TMEM222: variants seen among roughly 807,000 people sequenced by gnomAD.
TMEM222 encodes chromosome 1 open reading frame 160.
TMEM222 carries 18 observed loss-of-function variants against 25.1 expected under a neutral mutation model. That is an observed-to-expected ratio of 0.72 (90% CI 0.50 to 1.06). TMEM222 has a LOEUF of 1.06. Ranked by LOEUF, TMEM222 falls within the 50% of genes least tolerant of loss-of-function variation. The pLI, the probability that TMEM222 is intolerant of heterozygous loss-of-function variation, is 0.00. For missense variants in TMEM222, 296 were observed against 293.7 expected (o/e 1.01, Z -0.06); for synonymous variants, 131 against 117.9 (o/e 1.11, Z -0.72).
chr1:27,324,701 C>G (rs2014297029), intron 1 of TMEM222, among the ~76,000 whole-genome samples: 1 of 152,184 alleles, frequency 6.6e-6, no homozygotes, highest in East Asian at 1.9e-4. Context: ...GCAGGCTATA[C>G]AGGAAGCATA....
intron 3 of TMEM222, chr1:27,333,157 T>G (rs1427447105): frequency 2.7e-6 from 1 of 371,430 alleles, no homozygotes; most frequent in East Asian, 7.3e-5. Context: ...TGATGTGGCC[T>G]CACCTGCATC....
rs765278796 is a variant in TMEM222, at chr1:27,334,014, C to T, written c.368C>T (p.Thr123Met). 16 of 1,614,146 alleles carry T rather than the reference C, an allele frequency of 9.9e-6. No individual in the cohort carries two copies. The highest frequency in any genetic ancestry group is 1.6e-4 in the Middle Eastern group (1 of 6,062). ...VYASGPNAWD[T>M]AVHDASEEYK... ...GCTAGCGGGCCCAACGCATGGGACA[C>T]GGCTGTGCACGACGCCTCTGAGGAG... The change falls in exon 4 of 6, where the codon ACG becomes ATG. Residue 123 changes from threonine to methionine, a missense_variant. Coordinates refer to ENST00000374076, the MANE Select transcript of TMEM222 (RefSeq NM_032125.3).
chr1:27,327,025 G>C (rs891934550), intron 1 of TMEM222, among the ~76,000 whole-genome samples: 2 of 150,856 alleles, frequency 1.3e-5, no homozygotes, highest in East Asian at 4.0e-4. Flanking sequence ...GGCAGAGATG[G>C]GGGTGGAGGG....
intron 3 of TMEM222, chr1:27,332,914 A>T (rs891824386): frequency 3.1e-5 from 9 of 290,980 alleles, no homozygotes; most frequent in Admixed American, 2.7e-4. Context: ...AGTCCAGGCC[A>T]TGGTCTCTAG....
chr1:27,326,199 G>A (rs2014346105), intron 1 of TMEM222, among the ~76,000 whole-genome samples: 1 of 152,164 alleles, frequency 6.6e-6, no homozygotes, highest in South Asian at 2.1e-4. Flanking sequence ...TTTCTCTAGA[G>A]GCTGACAAGG....
chr1:27,334,639 A>G, intron 5 of TMEM222: 1 of 1,437,258 alleles, frequency 7.0e-7, no homozygotes, highest in Non-Finnish European at 9.2e-7. Flanking sequence ...GTGAGCAGAT[A>G]GATCCTCTCA....
chr1:27,334,185 T>G lies in TMEM222; in HGVS notation c.443T>G (p.Val148Gly), dbSNP rs991240227. Residue 148 changes from valine to glycine, a missense_variant, in exon 5 of 6, where the codon GTG (valine) becomes GGG (glycine). Coordinates refer to ENST00000374076, the MANE Select transcript of TMEM222 (RefSeq NM_032125.3). ...TGCTGTGACAACTGCCACTCGCACGTGGCATTGGCCCTGAATCTGATGCGC... is the reference window on the plus strand; with the variant it reads ...TGCTGTGACAACTGCCACTCGCACGGGGCATTGGCCCTGAATCTGATGCGC... ...NLCCDNCHSH[V>G]ALALNLMRYN... 6.8e-6 allele frequency: 11 copies of G among 1,614,206 alleles called. No homozygotes were observed. The highest frequency in any genetic ancestry group is 9.3e-6 in the Non-Finnish European group (11 of 1,180,042).
intron 1 of TMEM222, chr1:27,325,887 C>G (rs554729092): frequency 2.7e-6 from 2 of 744,760 alleles, no homozygotes; most frequent in Admixed American, 1.8e-5. Flanking sequence ...TCATGCTAGC[C>G]TCACGAAAAT....
At chr1:27,332,285 C>T (rs937126599) in intron 3 of TMEM222, 184 bp downstream of exon 3, 9 of 719,856 alleles carry the variant, frequency 1.3e-5, no homozygotes, top group African/African-American at 1.7e-5. Context: ...CGCACCAGCC[C>T]CTGGCTAGGG....
chr1:27,335,634 G>C lies in TMEM222; in HGVS notation c.*168G>C. On this transcript the variant is annotated 3_prime_UTR_variant, in exon 6 of 6. Transcript: ENST00000374076. ...AGGACTGAGGACCAGCATGAAGTGG[G>C]GGTTTGTTGTCTCCCTGCCTCTCAG... 1 of 653,424 alleles carries C rather than the reference G, an allele frequency of 1.5e-6. No individual in the cohort carries two copies. The highest frequency in any genetic ancestry group is 2.7e-5 in the East Asian group (1 of 36,532). 40.5% of individuals were successfully genotyped at this position (653,424 alleles called of 1,614,324 possible).
intron 1 of TMEM222, chr1:27,325,386 T>C (rs56244828): frequency 9.9e-7 from 1 of 1,005,518 alleles, no homozygotes; most frequent in South Asian, 1.3e-5. Context: ...GGAGAAGAGC[T>C]ACAAGCTGCC....
intron 5 of TMEM222, 27 bp from the exon 6 acceptor site, chr1:27,335,352 C>G (rs377378539): frequency 4.4e-5 from 71 of 1,612,030 alleles, no homozygotes; most frequent in Admixed American, 1.5e-4. Context: ...CCCTGCCCAC[C>G]TATGCTCGCT....
At chr1:27,330,860 C>T in intron 2 of TMEM222, 56 bp downstream of exon 2, 2 of 1,603,498 alleles carry the variant, frequency 1.2e-6, no homozygotes, top group African/African-American at 1.3e-5. Flanking sequence ...GAAGGCTGTC[C>T]TGTCTTGCCT....
chr1:27,322,314 C>T lies in TMEM222; in HGVS notation c.117C>T (p.Gly39=). 4 of 1,556,386 alleles carry T rather than the reference C, an allele frequency of 2.6e-6. No homozygotes were observed. Among genetic ancestry groups the T allele is most frequent in the Non-Finnish European group, 2.6e-6 (3 of 1,147,476 alleles). The change falls in exon 1 of 6, where the codon GGC becomes GGT. Residue 39 remains glycine (G), a synonymous_variant. Coordinates refer to ENST00000374076, the MANE Select transcript of TMEM222 (RefSeq NM_032125.3). ...AAETDMKQYQ[G]SGGVAMDVER... is the part of the protein sequence containing the mutation. ...AGACGGACATGAAGCAATATCAAGG[C>T]TCCGGCGGCGTCGCCATGGATGTGG... is the stretch of plus-strand genomic sequence containing the variant.
chr1:27,325,656 A>G (rs2014326048), intron 1 of TMEM222: 1 of 838,790 alleles, frequency 1.2e-6, no homozygotes, highest in Non-Finnish European at 2.1e-6. Context: ...GATCAAGCTC[A>G]TTGTGCCCCC....
chr1:27,331,245 G>C, intron 2 of TMEM222: 1 of 866,538 alleles, frequency 1.2e-6, no homozygotes, highest in Non-Finnish European at 1.4e-6. Context: ...TCTCAGGTCT[G>C]TTCCCTGGGG....
At chr1:27,325,801 A>T (rs2014331361) in intron 1 of TMEM222, 2 of 803,412 alleles carry the variant, frequency 2.5e-6, no homozygotes, top group Non-Finnish European at 4.5e-6. Context: ...TTCTAAATGG[A>T]CTGCGAGCCG....
At position 27,322,212 on chromosome 1, in the gene TMEM222, A is replaced by G. The variant is rs779397912; in HGVS notation, c.15A>G (p.Glu5=). The change falls in exon 1 of 6, where the codon GAA becomes GAG. Residue 5 remains glutamate, a synonymous_variant. Coordinates refer to ENST00000374076, the MANE Select transcript of TMEM222 (RefSeq NM_032125.3). MAEA[E]GSSLLLLPPP... Reference sequence around the variant, plus strand: ...GCGCGCGCCGCATGGCGGAAGCGGAAGGGAGTTCTCTGCTCTTGTTGCCGC... The same window carrying G: ...GCGCGCGCCGCATGGCGGAAGCGGAGGGGAGTTCTCTGCTCTTGTTGCCGC... The G allele has an allele frequency of 5.7e-6, 8 of 1,413,800 alleles. No individual in the cohort carries two copies. In the East Asian group the frequency reaches 2.2e-4, roughly 39 times the overall value. The allele number at this position is 1,413,800 out of a possible 1,614,324, so 87.6% of individuals were successfully genotyped here.
intron 3 of TMEM222, 135 bp downstream of exon 3, chr1:27,332,236 G>A (rs978432840): frequency 6.3e-5 from 67 of 1,061,000 alleles, no homozygotes; most frequent in Non-Finnish European, 9.1e-5. Context: ...GGTCAGCCAG[G>A]GTCCACCAGA....
Sources: gnomAD v4.1 joint callset for allele counts (sites outside exome capture counted in the v4.1 genomes callset) on GRCh38, gnomAD v4.1.1 for gene constraint, MANE v1.5 for transcripts, NCBI Gene and HGNC (gene_info 2026-07-23, HGNC 2026-07-21) for gene names.